Variants in GRM7 observed in about 807,000 individuals in gnomAD.
GRM7 encodes the protein metabotropic glutamate receptor 7.
Under a neutral mutation model 84.5 loss-of-function variants are expected in GRM7, and 35 were observed. That is an observed-to-expected ratio of 0.41 (90% confidence interval 0.32 to 0.55). GRM7 has a LOEUF of 0.55. Ranked by LOEUF, GRM7 falls within the 20% of genes least tolerant of loss-of-function variation. GRM7 has a pLI of 0.19. For missense variants in GRM7, 1,003 were observed against 1,194.6 expected (o/e 0.84, Z 2.36); for synonymous variants, 487 against 455.1 (o/e 1.07, Z -0.89).
intron 1 of GRM7, among the ~76,000 whole-genome samples, chr3:7,103,789 T>C (rs1428882466): frequency 8.8e-6 from 1 of 113,788 alleles, no homozygotes; most frequent in African/African-American, 4.9e-5. Context: ...TTTCTTTCTT[T>C]CTTTCTTTCT....
At chr3:7,337,207 C>A (rs1413846410) in intron 4 of GRM7, among the ~76,000 whole-genome samples, 2 of 152,058 alleles carry the variant, frequency 1.3e-5, no homozygotes, top group African/African-American at 4.8e-5. Context: ...GGATAATTGG[C>A]AAGCCACACG....
chr3:7,618,968 G>T (rs777527541), intron 8 of GRM7, among the ~76,000 whole-genome samples: 2 of 152,092 alleles, frequency 1.3e-5, no homozygotes, highest in Non-Finnish European at 2.9e-5. Flanking sequence ...ATCAAAAAAA[G>T]AATTTATTTT....
chr3:7,706,608 T>A (rs1701397388), intron 9 of GRM7, among the ~76,000 whole-genome samples: 1 of 152,180 alleles, frequency 6.6e-6, no homozygotes, highest in Admixed American at 6.5e-5. Context: ...AAGCGAAGTG[T>A]CAAATGTGGA....
chr3:7,260,917 A>G (rs765335910), intron 2 of GRM7, among the ~76,000 whole-genome samples: 15 of 152,102 alleles, frequency 9.9e-5, no homozygotes, highest in Non-Finnish European at 1.8e-4. Context: ...GGTATGTTGT[A>G]TCTTTGTTCT....
At chr3:7,468,762 A>T (rs1698567332) in intron 7 of GRM7, among the ~76,000 whole-genome samples, 2 of 151,654 alleles carry the variant, frequency 1.3e-5, no homozygotes, top group South Asian at 2.1e-4. Context: ...TTTTCATGAG[A>T]TCTGATGCTT....
rs375035491 is a variant in GRM7 at position 6,935,677 on chromosome 3, A to AAATATT, written c.519+73771_519+73772insATATTA. 3.9e-3 allele frequency among the ~76,000 whole-genome samples: 561 copies of AAATATT among 142,442 alleles called. 2 individuals are homozygous for AAATATT. Among genetic ancestry groups the AAATATT allele is most frequent in the Non-Finnish European group, 4.4e-3 (290 of 66,044 alleles). 93.4% of individuals were successfully genotyped at this position (142,442 alleles called of 152,430 possible). On this transcript the variant is annotated intron_variant, in intron 1 of 9. Transcript: ENST00000357716. ...CTTTGATTTCTGTTTCTTATTTTTA[A>AAATATT]ATTATTATTATTATTATTATTATTA...
intron 1 of GRM7, among the ~76,000 whole-genome samples, chr3:7,078,263 A>G (rs1053928227): frequency 2.6e-5 from 4 of 152,214 alleles, no homozygotes; most frequent in African/African-American, 9.6e-5. Context: ...TGGTCTACAC[A>G]TCATCATCAC....
intron 8 of GRM7, among the ~76,000 whole-genome samples, chr3:7,611,034 G>A (rs1175764263): frequency 6.6e-6 from 1 of 152,094 alleles, no homozygotes; most frequent in Non-Finnish European, 1.5e-5. Flanking sequence ...GCTGTGATGC[G>A]AGAGAATATA....
At chr3:6,898,555 C>T (rs1247896824) in intron 1 of GRM7, among the ~76,000 whole-genome samples, 5 of 152,072 alleles carry the variant, frequency 3.3e-5, no homozygotes, top group Non-Finnish European at 7.4e-5. Flanking sequence ...ACCTCAATTT[C>T]CACCTTCTAC....
At chr3:7,192,573 C>G (rs139659672) in intron 2 of GRM7, among the ~76,000 whole-genome samples, 1 of 152,062 alleles carries the variant, frequency 6.6e-6, no homozygotes, top group African/African-American at 2.4e-5. Flanking sequence ...CTTCCAGCTT[C>G]TGAGGAAGAA....
At chr3:6,871,708 T>C (rs952852382) in intron 1 of GRM7, among the ~76,000 whole-genome samples, 1 of 152,166 alleles carries the variant, frequency 6.6e-6, no homozygotes, top group African/African-American at 2.4e-5. Context: ...AACACATCTA[T>C]GATTTTATTT....
At chr3:7,588,532 C>G (rs896062095) in intron 8 of GRM7, among the ~76,000 whole-genome samples, 4 of 152,118 alleles carry the variant, frequency 2.6e-5, no homozygotes, top group Admixed American at 2.0e-4. Context: ...TGGAATATCC[C>G]AACTCAACAA....
intron 9 of GRM7, among the ~76,000 whole-genome samples, chr3:7,734,077 C>A (rs952856244): frequency 2.1e-4 from 32 of 152,150 alleles, no homozygotes; most frequent in Admixed American, 2.0e-3. Context: ...ACAAATGGGG[C>A]AAACACTTCA....
intron 5 of GRM7, among the ~76,000 whole-genome samples, chr3:7,450,138 C>T (rs530220722): frequency 6.6e-6 from 1 of 151,940 alleles, no homozygotes; most frequent in Admixed American, 6.6e-5. Context: ...TATTTATGAA[C>T]AGTTTACAAA....
At chr3:7,563,972 A>G (rs116138210) in intron 7 of GRM7, among the ~76,000 whole-genome samples, 3 of 152,162 alleles carry the variant, frequency 2.0e-5, no homozygotes, top group African/African-American at 4.8e-5. Flanking sequence ...CAACATCCAT[A>G]TGTTTAATTT....
intron 1 of GRM7, among the ~76,000 whole-genome samples, chr3:6,957,767 A>G (rs1263400863): frequency 6.6e-6 from 1 of 152,166 alleles, no homozygotes; most frequent in Non-Finnish European, 1.5e-5. Flanking sequence ...CATTCATTCA[A>G]TGTAATAAGT....
At chr3:7,204,496 G>A (rs1036602772) in intron 2 of GRM7, among the ~76,000 whole-genome samples, 2 of 152,048 alleles carry the variant, frequency 1.3e-5, no homozygotes, top group Non-Finnish European at 2.9e-5. Flanking sequence ...GTCCATTGTG[G>A]ACAAAGGGAA....
chr3:6,868,929 C>T (rs190946538), intron 1 of GRM7, among the ~76,000 whole-genome samples: 16 of 150,864 alleles, frequency 1.1e-4, no homozygotes, highest in Non-Finnish European at 1.8e-4. Flanking sequence ...TGTCATTCCA[C>T]GGCTGCTGAC....
chr3:7,206,450 A>C (rs1696242879), intron 2 of GRM7, among the ~76,000 whole-genome samples: 1 of 152,208 alleles, frequency 6.6e-6, no homozygotes, highest in South Asian at 2.1e-4. Context: ...CTGATGGTTA[A>C]AAAAATTTCT....
Sources: allele counts gnomAD v4.1 joint callset (sites outside exome capture counted in the v4.1 genomes callset), GRCh38; gene constraint gnomAD v4.1.1; transcripts MANE v1.5; gene names NCBI Gene and HGNC (gene_info 2026-07-23, HGNC 2026-07-21).